LRRC43: variants seen among roughly 807,000 people sequenced by gnomAD.
LRRC43 encodes leucine rich repeat containing 43, also known as leucine-rich repeat-containing protein 43.
LRRC43 carries 62 observed loss-of-function variants against 64.3 expected under a neutral mutation model. That is an observed-to-expected ratio of 0.96 (90% CI 0.79 to 1.19). The LOEUF (loss-of-function observed/expected upper bound fraction) is 1.19. Among genes scored for constraint, LRRC43 ranks in the 50% most tolerant of loss-of-function variants. The pLI is 0.00. For synonymous variants in LRRC43, 422 were observed against 382.3 expected, an observed-to-expected ratio of 1.10 and a Z score of -1.21; for missense variants, 868 against 845.0, an observed-to-expected ratio of 1.03 and a Z score of -0.34.
chr12:122,184,060 T>C lies in LRRC43; in HGVS notation c.151-459T>C, dbSNP rs1566006577. On this transcript the variant is annotated intron_variant, in intron 1 of 11. Coordinates refer to ENST00000339777, the MANE Select transcript of LRRC43 (RefSeq NM_001098519.2). This position sits in a 1 kb window ranked among gnomAD's most constrained non-coding sequence, Gnocchi z 4.0. ...CATCTGTAGTTATATCCATGGCTAA[T>C]AATCCATCAAAATTATTGATTATTC... Among the ~76,000 whole-genome samples, 1 of 151,956 alleles carries C rather than the reference T, an allele frequency of 6.6e-6. No individual in the cohort carries two copies. The highest frequency in any genetic ancestry group is 1.5e-5 in the Non-Finnish European group (1 of 68,022).
intron 3 of LRRC43, 137 bp from the exon 4 acceptor site, chr12:122,187,564 T>G: frequency 1.6e-6 from 1 of 609,094 alleles, no homozygotes. Flanking sequence ...TAAAAGGGAG[T>G]CGGGGTGGTG....
intron 1 of LRRC43, chr12:122,173,823 A>G (rs573424180): frequency 2.5e-5 from 40 of 1,607,178 alleles, no homozygotes; most frequent in Non-Finnish European, 3.3e-5. Context: ...CGTTTAGAAA[A>G]GAAATCTCTA....
chr12:122,197,114 C>T (rs1813354124), intron 7 of LRRC43, among the ~76,000 whole-genome samples: 3 of 152,148 alleles, frequency 2.0e-5, no homozygotes. Flanking sequence ...TATGGGGTTA[C>T]AATCTTCCTG....
At chr12:122,190,424 G>C in intron 5 of LRRC43, 56 bp downstream of exon 5, 1 of 1,425,504 alleles carries the variant, frequency 7.0e-7, no homozygotes, top group South Asian at 1.2e-5. Context: ...GCCTGCGCCT[G>C]GCTGTGCCCC....
chr12:122,185,433 G>A (rs915753906), intron 2 of LRRC43, among the ~76,000 whole-genome samples: 6 of 152,074 alleles, frequency 3.9e-5, no homozygotes, highest in African/African-American at 1.2e-4. Context: ...TGATCGCACC[G>A]CTGCACTCCA....
intron 11 of LRRC43, among the ~76,000 whole-genome samples, chr12:122,201,665 G>C (rs1045728966): frequency 3.9e-5 from 6 of 152,188 alleles, no homozygotes; most frequent in Non-Finnish European, 8.8e-5. Context: ...AGAGGGGCCT[G>C]GGCTTGTCCT....
intron 1 of LRRC43, chr12:122,174,038 C>G (rs1292078399): frequency 6.2e-7 from 1 of 1,613,208 alleles, no homozygotes; most frequent in Admixed American, 1.7e-5. Flanking sequence ...CACACCCCTG[C>G]CCACCCTGGC....
chr12:122,200,800 C>G lies in LRRC43; in HGVS notation c.1675C>G (p.Pro559Ala), dbSNP rs747256381. The G allele has an allele frequency of 2.2e-5, 35 of 1,612,910 alleles. 1 individual carries two copies. In the South Asian group the frequency reaches 3.7e-4, roughly 17 times the overall value. The change falls in exon 10 of 12, where the codon CCC becomes GCC. Residue 559 changes from proline to alanine, a missense_variant. Coordinates refer to ENST00000339777, the MANE Select transcript of LRRC43 (RefSeq NM_001098519.2). This position sits in a 1 kb window ranked among gnomAD's most constrained non-coding sequence, Gnocchi z 4.6. ...KEPPKELRQD[P>A]PILQVLGRGL... Reference sequence around the variant, plus strand: ...GCCGCCCAAGGAGCTCCGGCAGGACCCCCCCATCCTCCAGGTGCTGGGCCG... The same window carrying G: ...GCCGCCCAAGGAGCTCCGGCAGGACGCCCCCATCCTCCAGGTGCTGGGCCG...
At chr12:122,188,053 G>A (rs1953667417) in intron 4 of LRRC43, 1 of 487,082 alleles carries the variant, frequency 2.1e-6, no homozygotes, top group East Asian at 3.3e-5. Flanking sequence ...GGTAGTAGGT[G>A]TGAGTCAGAG....
At chr12:122,172,588 T>A (rs145372838) in intron 1 of LRRC43, 2 of 1,614,066 alleles carry the variant, frequency 1.2e-6, no homozygotes, top group Non-Finnish European at 1.7e-6. Context: ...TGCTCTATGA[T>A]CTCATCAATA....
Position 122,190,202 on chromosome 12 carries a change from G to C in LRRC43, c.735G>C (p.Arg245Ser), listed in dbSNP as rs1352401408. Reference protein sequence around the residue: ...TDLQSMVTSLRTLRHLRLLVL... With the variant: ...TDLQSMVTSLSTLRHLRLLVL... ...TGCAGAGCATGGTCACCAGCCTGAGGACCCTCCGGCACCTGCGACTCCTGG... is the reference window on the plus strand; with the variant it reads ...TGCAGAGCATGGTCACCAGCCTGAGCACCCTCCGGCACCTGCGACTCCTGG... Residue 245 changes from arginine to serine, a missense_variant, in exon 5 of 12, where the codon AGG becomes AGC. Physicochemically the swap from Arg to Ser is moderately radical, Grantham distance 110. Coordinates refer to ENST00000339777, the MANE Select transcript of LRRC43 (RefSeq NM_001098519.2). The C allele has an allele frequency of 5.0e-6, 8 of 1,613,988 alleles. No homozygotes were observed. Among genetic ancestry groups the C allele is most frequent in the African/African-American group, 1.3e-5 (1 of 74,898 alleles).
At position 122,203,407 on chromosome 12, in the gene LRRC43, T is replaced by A. The variant is rs1211914613; in HGVS notation, c.1936T>A (p.Ser646Thr). Residue 646 changes from serine (S) to threonine (T), a missense_variant, in exon 12 of 12, where the codon TCG (serine) becomes ACG (threonine). By Grantham distance (58) the Ser-to-Thr change is moderately conservative (BLOSUM62 1). Transcript: ENST00000339777. ...GCAGATCCAGCTGAACCAGTGCCGC[T>A]CGGCGGAGGAGGCTCTGCGCATGTT... ...EVQIQLNQCR[S>T]AEEALRMFAV is the part of the protein sequence containing the mutation. 6.2e-7 allele frequency: 1 copy of A among 1,612,364 alleles called. No individual in the cohort carries two copies. Among genetic ancestry groups the A allele is most frequent in the African/African-American group, 1.3e-5 (1 of 74,994 alleles).
At chr12:122,176,855 A>G (rs1403466122) in intron 1 of LRRC43, among the ~76,000 whole-genome samples, 1 of 151,954 alleles carries the variant, frequency 6.6e-6, no homozygotes, top group African/African-American at 2.4e-5. Flanking sequence ...GAGTTTCACC[A>G]TGTTGGGATG....
chr12:122,174,691 C>T (rs577634260), intron 1 of LRRC43, among the ~76,000 whole-genome samples: 1 of 152,264 alleles, frequency 6.6e-6, no homozygotes, highest in Admixed American at 6.5e-5. Flanking sequence ...GGCCCCATAA[C>T]TGCTGTGAAT....
chr12:122,203,459 G>A lies in LRRC43; in HGVS notation c.*17G>A. The stretch of plus-strand genomic sequence containing the variant: ...GCCGTGTAGGGCGTGGGCAGTAAAG[G>A]CTGTTCCCAGCACTCCCGCCTCCGC... On this transcript the variant is annotated 3_prime_UTR_variant, in exon 12 of 12. Coordinates refer to ENST00000339777, the MANE Select transcript of LRRC43 (RefSeq NM_001098519.2). 1.3e-6 allele frequency: 2 copies of A among 1,595,750 alleles called. No individual in the cohort carries two copies. The highest frequency in any genetic ancestry group is 1.7e-6 in the Non-Finnish European group (2 of 1,171,980).
At chr12:122,193,382 A>T (rs1038443367) in intron 7 of LRRC43, among the ~76,000 whole-genome samples, 8 of 44,766 alleles carry the variant, frequency 1.8e-4, no homozygotes, top group East Asian at 2.4e-3. Context: ...TCCGTCTCAT[A>T]AAAAAAAAAA....
At chr12:122,189,073 T>C (rs1174224828) in intron 4 of LRRC43, among the ~76,000 whole-genome samples, 1 of 152,090 alleles carries the variant, frequency 6.6e-6, no homozygotes, top group Non-Finnish European at 1.5e-5. Flanking sequence ...CCAGTTGATA[T>C]TCAACTTGAT....
chr12:122,176,162 G>A (rs1228668311), intron 1 of LRRC43, among the ~76,000 whole-genome samples: 2 of 152,170 alleles, frequency 1.3e-5, no homozygotes, highest in African/African-American at 4.8e-5. Flanking sequence ...TTTAAGTCAG[G>A]TGATCAGCAA....
At position 122,192,855 on chromosome 12, in the gene LRRC43, G is replaced by A. The variant is rs1052638494; in HGVS notation, c.1200G>A (p.Gly400=). The change falls in exon 7 of 12, where the codon GGG becomes GGA. Residue 400 remains glycine, a synonymous_variant. Transcript: ENST00000339777. ...AAGAGGTTACTGAAGAGGTCGAAGG[G>A]TCTCTGGAGTCTGAGGTGGAGGAGT... is the stretch of plus-strand genomic sequence containing the variant. The part of the protein sequence containing the change: ...IVEEVTEEVE[G]SLESEVEESG... 8.7e-6 allele frequency: 14 copies of A among 1,611,824 alleles called. No homozygotes were observed. In the African/African-American group the frequency reaches 1.8e-4, roughly 21 times the overall value.
Sources: allele counts gnomAD v4.1 joint callset (sites outside exome capture counted in the v4.1 genomes callset), GRCh38; gene constraint gnomAD v4.1.1; non-coding constraint Gnocchi (gnomAD v3.1); transcripts MANE v1.5; gene names NCBI Gene and HGNC (gene_info 2026-07-23, HGNC 2026-07-21).